ARHGEF26: variants seen among roughly 807,000 people sequenced by gnomAD.
ARHGEF26 encodes the protein Rho guanine nucleotide exchange factor (GEF) 26.
A neutral mutation model predicts 89.4 loss-of-function variants in ARHGEF26; 59 were observed. The ratio of observed to expected loss-of-function variants is 0.66; its 90% CI spans 0.54 to 0.82. ARHGEF26 has a LOEUF of 0.82. Ranked by LOEUF, ARHGEF26 falls within the 40% of genes least tolerant of loss-of-function variation. The pLI, the probability that ARHGEF26 is intolerant of heterozygous loss-of-function variation, is 0.00. For synonymous variants in ARHGEF26, 500 were observed against 428.4 expected (o/e 1.17, Z -2.06); for missense variants, 1,234 against 1,085.6 (o/e 1.14, Z -1.92).
At chr3:154,219,198 T>A (rs965683204) in intron 10 of ARHGEF26, among the ~76,000 whole-genome samples, 11 of 152,236 alleles carry the variant, frequency 7.2e-5, no homozygotes, top group African/African-American at 2.7e-4. Flanking sequence ...GACAAGTTTG[T>A]TTTTTGTTTT....
In ARHGEF26 at chr3:154,136,103, C is replaced by G. The variant is rs949218958; in HGVS notation, c.1269+6384C>G. Among the ~76,000 whole-genome samples, 4 of 152,252 alleles carry G rather than the reference C, an allele frequency of 2.6e-5. No homozygotes were observed. In the East Asian group the frequency reaches 7.7e-4, roughly 29 times the overall value. On this transcript the variant is annotated intron_variant, in intron 4 of 14. Coordinates refer to ENST00000465093, the MANE Select transcript of ARHGEF26 (RefSeq NM_015595.4). ...TAGAGTCATCCTCTACTGCACTCTT[C>G]TTTTGTACTTGCTGACATGTGGCTT...
intron 12 of ARHGEF26, among the ~76,000 whole-genome samples, chr3:154,241,403 A>T (rs1257306528): frequency 6.6e-6 from 1 of 152,196 alleles, no homozygotes; most frequent in Non-Finnish European, 1.5e-5. Context: ...TGGTGTGGTT[A>T]AAATGGATCA....
At chr3:154,249,449 G>T (rs1010089368) in intron 12 of ARHGEF26, among the ~76,000 whole-genome samples, 23 of 152,300 alleles carry the variant, frequency 1.5e-4, no homozygotes, top group African/African-American at 5.5e-4. Flanking sequence ...GAACTTGAGG[G>T]TTATGAAAAG....
intron 2 of ARHGEF26, among the ~76,000 whole-genome samples, chr3:154,123,390 A>G (rs1307606228): frequency 6.6e-6 from 1 of 152,174 alleles, no homozygotes; most frequent in African/African-American, 2.4e-5. Context: ...TAAAAGAGAT[A>G]GCTGAAAGGG....
chr3:154,131,854 A>G (rs1209525719), intron 4 of ARHGEF26, among the ~76,000 whole-genome samples: 1 of 152,218 alleles, frequency 6.6e-6, no homozygotes, highest in African/African-American at 2.4e-5. Flanking sequence ...TGTATATACA[A>G]TTAAATAATA....
At chr3:154,194,193 T>C (rs550360237) in intron 8 of ARHGEF26, among the ~76,000 whole-genome samples, 11 of 152,338 alleles carry the variant, frequency 7.2e-5, no homozygotes, top group Middle Eastern at 3.4e-3. Flanking sequence ...ATTATAATGG[T>C]GATAATTAAA....
chr3:154,255,578 A>G lies in ARHGEF26; in HGVS notation c.*105A>G. 6.8e-7 allele frequency: 1 copy of G among 1,476,160 alleles called. No homozygotes were observed. Among genetic ancestry groups the G allele is most frequent in the South Asian group, 1.4e-5 (1 of 69,312 alleles). The allele number at this position is 1,476,160 out of a possible 1,614,324, so 91.4% of individuals were successfully genotyped here. On this transcript the variant is annotated 3_prime_UTR_variant, in exon 15 of 15. Coordinates refer to ENST00000465093, the MANE Select transcript of ARHGEF26 (RefSeq NM_015595.4). ...AATTTTGTCACAGCCTATTTAATTAAAAGAACGAAAACACTTGCCTTTAAG... is the reference window on the plus strand; with the variant it reads ...AATTTTGTCACAGCCTATTTAATTAGAAGAACGAAAACACTTGCCTTTAAG...
At chr3:154,146,018 A>T (rs912048889) in intron 4 of ARHGEF26, among the ~76,000 whole-genome samples, 1 of 152,226 alleles carries the variant, frequency 6.6e-6, no homozygotes, top group Non-Finnish European at 1.5e-5. Flanking sequence ...TAGAGTATTT[A>T]TCTGAGAAGC....
At chr3:154,174,189 G>A (rs1423994948) in intron 6 of ARHGEF26, among the ~76,000 whole-genome samples, 2 of 152,232 alleles carry the variant, frequency 1.3e-5, no homozygotes, top group Non-Finnish European at 2.9e-5. Flanking sequence ...AAACTGGGCT[G>A]TGAGTACAGC....
Position 154,122,768 on chromosome 3 carries a change from TTAAAA to T in ARHGEF26, c.780_784del (p.Ile261Ter), listed in dbSNP as rs778211453. 2.5e-6 allele frequency: 4 copies of T among 1,610,782 alleles called. No individual in the cohort carries two copies. Among genetic ancestry groups the T allele is most frequent in the East Asian group, 2.2e-5 (1 of 44,772 alleles). The stretch of plus-strand genomic sequence containing the variant: ...ATTCCGAAGAGTCTGGCCTCGGAAA[TTAAAA>T]TAAGTAAATCCAACAATCAAAATGT... On this transcript the variant is annotated frameshift_variant, in exon 2 of 15. Transcript: ENST00000465093. LOFTEE classifies it high-confidence loss of function.
chr3:154,222,000 C>T (rs1716161858), intron 10 of ARHGEF26, among the ~76,000 whole-genome samples: 1 of 152,170 alleles, frequency 6.6e-6, no homozygotes, highest in Non-Finnish European at 1.5e-5. Flanking sequence ...GCCATTTTCA[C>T]ATTTATCTGA....
At chr3:154,127,315 T>A (rs1718390566) in intron 3 of ARHGEF26, among the ~76,000 whole-genome samples, 1 of 152,288 alleles carries the variant, frequency 6.6e-6, no homozygotes, top group African/African-American at 2.4e-5. Context: ...ATTGTACAAC[T>A]GTACAGAAAT....
At chr3:154,244,341 A>G (rs1717667051) in intron 12 of ARHGEF26, among the ~76,000 whole-genome samples, 1 of 152,208 alleles carries the variant, frequency 6.6e-6, no homozygotes, top group Admixed American at 6.5e-5. Flanking sequence ...AGAAAAATCA[A>G]TGGCTTTGAT....
At chr3:154,167,226 C>G (rs1476437966) in intron 6 of ARHGEF26, among the ~76,000 whole-genome samples, 1 of 152,144 alleles carries the variant, frequency 6.6e-6, no homozygotes, top group African/African-American at 2.4e-5. Context: ...GATGAGAGCA[C>G]CTACTGTGTA....
chr3:154,121,854 A>AG, intron 1 of ARHGEF26, 88 bp from the exon 2 acceptor site: 1 of 1,200,888 alleles, frequency 8.3e-7, no homozygotes, highest in Non-Finnish European at 1.1e-6. Context: ...GCGCAGCAGC[A>AG]GGGGGACCGC....
chr3:154,128,005 T>C (rs552648864), intron 3 of ARHGEF26, among the ~76,000 whole-genome samples: 1 of 152,298 alleles, frequency 6.6e-6, no homozygotes, highest in South Asian at 2.1e-4. Context: ...CTTCTCAGCT[T>C]TCAGACCTTA....
Position 154,240,574 on chromosome 3 carries a change from G to GA in ARHGEF26, c.2296dup (p.Thr766AsnfsTer33). 6.2e-7 allele frequency: 1 copy of GA among 1,606,576 alleles called. No individual in the cohort carries two copies. Among genetic ancestry groups the GA allele is most frequent in the Non-Finnish European group, 8.5e-7 (1 of 1,176,246 alleles). On this transcript the variant is annotated frameshift_variant, in exon 12 of 15. Coordinates refer to ENST00000465093, the MANE Select transcript of ARHGEF26 (RefSeq NM_015595.4). LOFTEE classifies it high-confidence loss of function. The stretch of plus-strand genomic sequence containing the variant: ...AAGTGGAGATGCTACTAGGAGCTGA[G>GA]ACGCAGTAAGTATATGTGGGGAAAA...
At chr3:154,133,964 G>A (rs1455039811) in intron 4 of ARHGEF26, among the ~76,000 whole-genome samples, 1 of 152,096 alleles carries the variant, frequency 6.6e-6, no homozygotes, top group East Asian at 1.9e-4. Context: ...ATTGTGAATG[G>A]CAGTTTGTTC....
At chr3:154,138,919 A>G (rs1719185902) in intron 4 of ARHGEF26, among the ~76,000 whole-genome samples, 1 of 152,230 alleles carries the variant, frequency 6.6e-6, no homozygotes, top group African/African-American at 2.4e-5. Context: ...AAATCATCCC[A>G]TAGATAAATG....
Sources: allele counts gnomAD v4.1 joint callset (sites outside exome capture counted in the v4.1 genomes callset), GRCh38; gene constraint gnomAD v4.1.1; transcripts MANE v1.5; gene names NCBI Gene and HGNC (gene_info 2026-07-23, HGNC 2026-07-21).